COBL: variants seen among roughly 807,000 people sequenced by gnomAD.
The protein encoded by COBL is protein cordon-bleu.
Under a neutral mutation model 98.8 loss-of-function variants are expected in COBL, and 51 were observed. The ratio of observed to expected loss-of-function variants is 0.52; its 90% confidence interval spans 0.41 to 0.65. COBL has a LOEUF of 0.65. COBL is among the 30% of genes least tolerant of loss of function. COBL has a pLI of 0.00. For missense variants in COBL, 1,617 were observed against 1,617.5 expected, an observed-to-expected ratio of 1.00 and a Z score of 0.01; for synonymous variants, 634 against 651.7, an observed-to-expected ratio of 0.97 and a Z score of 0.41.
chr7:51,194,155 T>C (rs541565129), intron 2 of COBL, among the ~76,000 whole-genome samples: 4 of 152,320 alleles, frequency 2.6e-5, no homozygotes, highest in Admixed American at 2.0e-4. Flanking sequence ...CCCCTCTATG[T>C]GTCCATGTGT....
At chr7:51,100,913 CAA>C (rs58830988) in intron 6 of COBL, among the ~76,000 whole-genome samples, 5 of 148,946 alleles carry the variant, frequency 3.4e-5, no homozygotes, top group Admixed American at 6.7e-5. Flanking sequence ...CAATAAGAAA[CAA>C]AAAAAAAACA....
At chr7:51,243,823 G>C (rs537635253) in intron 1 of COBL, among the ~76,000 whole-genome samples, 1 of 151,848 alleles carries the variant, frequency 6.6e-6, no homozygotes, top group African/African-American at 2.4e-5. Flanking sequence ...TGTCTGGCCT[G>C]CATGGACCTT....
chr7:51,197,906 T>A (rs1403131143), intron 2 of COBL, among the ~76,000 whole-genome samples: 1 of 152,218 alleles, frequency 6.6e-6, no homozygotes, highest in Non-Finnish European at 1.5e-5. Context: ...CTTACGTGTG[T>A]CACTGCATGT....
At chr7:51,022,381 A>T (rs1787024013) in intron 12 of COBL, among the ~76,000 whole-genome samples, 1 of 152,186 alleles carries the variant, frequency 6.6e-6, no homozygotes, top group South Asian at 2.1e-4. Context: ...CGAGAAACAC[A>T]AGCCCGGCTC....
intron 6 of COBL, among the ~76,000 whole-genome samples, chr7:51,118,075 T>C (rs1457433263): frequency 1.3e-5 from 2 of 152,204 alleles, no homozygotes; most frequent in East Asian, 1.9e-4. Context: ...CTTTCCTCAC[T>C]TTCCAGAGGG....
chr7:51,303,854 C>G (rs1802223221), intron 1 of COBL, among the ~76,000 whole-genome samples: 1 of 152,118 alleles, frequency 6.6e-6, no homozygotes, highest in Non-Finnish European at 1.5e-5. Flanking sequence ...AGGTGGTCAC[C>G]CAATGCTGTT....
intron 2 of COBL, among the ~76,000 whole-genome samples, chr7:51,197,055 G>A (rs187906673): frequency 6.6e-6 from 1 of 151,212 alleles, no homozygotes; most frequent in African/African-American, 2.4e-5. Context: ...GTTATTTCTT[G>A]TCTTCTGCTA....
At chr7:51,144,589 C>T (rs1034752460) in intron 5 of COBL, among the ~76,000 whole-genome samples, 12 of 152,116 alleles carry the variant, frequency 7.9e-5, no homozygotes, top group African/African-American at 1.9e-4. Context: ...GCATACAATC[C>T]GTGGTGTTAA....
Position 51,301,110 on chromosome 7 carries a change from C to T in COBL, c.41+15483G>A, listed in dbSNP as rs1007958969. ...TGAGTGCGGTGGGATACACGCACCG[C>T]GCAGGCTGCTGCTCTGAAGCGGCCC... On this transcript the variant is annotated intron_variant, in intron 1 of 12. Coordinates refer to ENST00000265136, the MANE Select transcript of COBL (RefSeq NM_015198.5). Among the ~76,000 whole-genome samples, 7 of 152,240 alleles carry T rather than the reference C, an allele frequency of 4.6e-5. No homozygotes were observed. The East Asian group carries it at 9.7e-4, about 21-fold the overall frequency.
intron 6 of COBL, among the ~76,000 whole-genome samples, chr7:51,126,784 T>C (rs1181035749): frequency 1.3e-5 from 2 of 152,108 alleles, no homozygotes; most frequent in South Asian, 2.1e-4. Context: ...GCTGCCCTAT[T>C]TGCTCTCCAT....
intron 7 of COBL, among the ~76,000 whole-genome samples, chr7:51,066,584 A>G (rs528630023): frequency 1.1e-4 from 17 of 152,316 alleles, no homozygotes; most frequent in African/African-American, 4.1e-4. Context: ...AATGAGGATG[A>G]TAACAACAGC....
At chr7:51,168,585 T>A (rs1787559078) in intron 5 of COBL, among the ~76,000 whole-genome samples, 1 of 152,176 alleles carries the variant, frequency 6.6e-6, no homozygotes, top group African/African-American at 2.4e-5. Context: ...TCACCTCAGT[T>A]AAAATGGCTT....
At chr7:51,229,015 T>C (rs1215295227) in intron 1 of COBL, among the ~76,000 whole-genome samples, 2 of 152,078 alleles carry the variant, frequency 1.3e-5, no homozygotes, top group Non-Finnish European at 2.9e-5. Context: ...CACCAGGCAA[T>C]GTTTGCATAC....
chr7:51,153,339 A>G (rs1229417224), intron 5 of COBL, among the ~76,000 whole-genome samples: 1 of 152,228 alleles, frequency 6.6e-6, no homozygotes, highest in Non-Finnish European at 1.5e-5. Flanking sequence ...TATCTAGCTA[A>G]TAATTAAGAT....
chr7:51,112,174 G>C (rs532378353), intron 6 of COBL, among the ~76,000 whole-genome samples: 1 of 152,296 alleles, frequency 6.6e-6, no homozygotes, highest in Non-Finnish European at 1.5e-5. Context: ...GGAGAAACTA[G>C]AATGCCATGA....
rs142650742 is a variant in COBL, at chr7:51,305,339, G to C, written c.41+11254C>G. The stretch of plus-strand genomic sequence containing the variant: ...CAGCCAGTCTTATCCCTGACTGTAA[G>C]AATACTATATAATTTTTAACTCAGA... On this transcript the variant is annotated intron_variant, in intron 1 of 12. Transcript: ENST00000265136. Among the ~76,000 whole-genome samples, 99 of 152,258 alleles carry C rather than the reference G, an allele frequency of 6.5e-4. 1 individual carries two copies. The Middle Eastern group carries it at 0.01, about 16-fold the overall frequency.
chr7:51,114,635 G>T (rs1294364794), intron 6 of COBL, among the ~76,000 whole-genome samples: 1 of 152,080 alleles, frequency 6.6e-6, no homozygotes, highest in Non-Finnish European at 1.5e-5. Flanking sequence ...CTGACCTCAG[G>T]CCTTTGCAAT....
intron 4 of COBL, among the ~76,000 whole-genome samples, chr7:51,187,144 G>A (rs1410148331): frequency 6.6e-6 from 1 of 151,962 alleles, no homozygotes; most frequent in Non-Finnish European, 1.5e-5. Context: ...GAAGGATGAA[G>A]GACCCTTAAA....
At chr7:51,197,065 A>C (rs1294779772) in intron 2 of COBL, among the ~76,000 whole-genome samples, 1 of 151,436 alleles carries the variant, frequency 6.6e-6, no homozygotes, top group Non-Finnish European at 1.5e-5. Flanking sequence ...GTCTTCTGCT[A>C]GCTTTAGGGT....
Sources: allele counts gnomAD v4.1 joint callset (sites outside exome capture counted in the v4.1 genomes callset), GRCh38; gene constraint gnomAD v4.1.1; transcripts MANE v1.5; gene names NCBI Gene and HGNC (gene_info 2026-07-23, HGNC 2026-07-21).